The following MYEF2 variants were observed in gnomAD, a reference collection of about 807,000 sequenced individuals.
MYEF2 encodes myelin expression factor 2.
A neutral mutation model predicts 75.2 loss-of-function variants in MYEF2; 37 were observed. The ratio of observed to expected loss-of-function variants is 0.49; its 90% CI spans 0.38 to 0.65. MYEF2 has a LOEUF of 0.65. Among genes scored for constraint, MYEF2 ranks in the 30% least tolerant of loss-of-function variants. The pLI is 0.00. For missense variants in MYEF2, 634 were observed against 771.4 expected (o/e 0.82, Z 2.11); for synonymous variants, 195 against 241.6 (o/e 0.81, Z 1.79).
At position 48,139,309 on chromosome 15, in the gene MYEF2, A is replaced by T. The variant is rs74975813; in HGVS notation, c.*3599T>A. On this transcript the variant is annotated 3_prime_UTR_variant, in exon 17 of 17. Coordinates refer to ENST00000324324, the MANE Select transcript of MYEF2 (RefSeq NM_016132.5). ...ATTGAAGATTAGTACCATTTACAAA[A>T]TGATTAAGTATTACTATAACAAGAT... The T allele has an allele frequency of 4.3e-5, 28 of 646,654 alleles. No individual in the cohort carries two copies. The highest frequency in any genetic ancestry group is 6.6e-5 in the Non-Finnish European group (25 of 378,272). The allele number at this position is 646,654 out of a possible 1,614,324, so 40.1% of individuals were successfully genotyped here. A position where few individuals can be genotyped will look rare whatever the true frequency, so the allele number is the denominator to read the frequency against.
rs893528382 is a variant in MYEF2, at chr15:48,138,422, T to C, written c.*4486A>G. 4.6e-5 allele frequency: 7 copies of C among 152,188 alleles called. No homozygotes were observed. The highest frequency in any genetic ancestry group is 1.7e-4 in the African/African-American group (7 of 41,444). 9.4% of individuals were successfully genotyped at this position (152,188 alleles called of 1,614,324 possible). A position where few individuals can be genotyped will look rare whatever the true frequency, so the allele number is the denominator to read the frequency against. ...GTTATTTCTATGAACTGTGGTAAAG[T>C]CTGAATTTAATAAATAAAATAGTAA... On this transcript the variant is annotated 3_prime_UTR_variant, in exon 17 of 17. Transcript: ENST00000324324.
chr15:48,136,921 C>G lies in MYEF2; in HGVS notation c.*5987G>C, dbSNP rs147513140. On this transcript the variant is annotated 3_prime_UTR_variant, in exon 17 of 17. Coordinates refer to ENST00000324324, the MANE Select transcript of MYEF2 (RefSeq NM_016132.5). ...ATTTTATGAAGATTCTGGCTACTCTCAGCTCTCTATAAGTTTACATGGCCT... is the reference window on the plus strand; with the variant it reads ...ATTTTATGAAGATTCTGGCTACTCTGAGCTCTCTATAAGTTTACATGGCCT... The G allele has an allele frequency of 1.8e-4, 293 of 1,613,768 alleles. No homozygotes were observed. The African/African-American group carries it at 3.7e-3, about 21-fold the overall frequency.
rs937674871 is a variant in MYEF2, at chr15:48,138,384, C to A, written c.*4524G>T. On this transcript the variant is annotated 3_prime_UTR_variant, in exon 17 of 17. Transcript: ENST00000324324. Reference sequence around the variant, plus strand: ...AATTGTACTTTAGATGATATACTACCTCCTACTTTAAGGTTATTTCTATGA... The same window carrying A: ...AATTGTACTTTAGATGATATACTACATCCTACTTTAAGGTTATTTCTATGA... 1 of 151,770 alleles carries A rather than the reference C, an allele frequency of 6.6e-6. No homozygotes were observed. Among genetic ancestry groups the A allele is most frequent in the African/African-American group, 2.4e-5 (1 of 41,332 alleles). 9.4% of individuals were successfully genotyped at this position (151,770 alleles called of 1,614,324 possible). A position where few individuals can be genotyped will look rare whatever the true frequency, so the allele number is the denominator to read the frequency against.
intron 10 of MYEF2, chr15:48,152,515 CTAGTA>C: frequency 2.3e-6 from 1 of 438,966 alleles, no homozygotes; most frequent in Non-Finnish European, 4.0e-6. Flanking sequence ...GCAAAATTCA[CTAGTA>C]ACACCCACAA....
Position 48,136,811 on chromosome 15 carries a change from A to G in MYEF2, c.*6097T>C. On this transcript the variant is annotated 3_prime_UTR_variant, in exon 17 of 17. Transcript: ENST00000324324. Reference sequence around the variant, plus strand: ...TGCGCCTGTCTTGCCAAAGCTATGGAGAGAAGTGAACAACAGCCACTGATG... The same window carrying G: ...TGCGCCTGTCTTGCCAAAGCTATGGGGAGAAGTGAACAACAGCCACTGATG... 6.2e-7 allele frequency: 1 copy of G among 1,613,858 alleles called. No individual in the cohort carries two copies. The highest frequency in any genetic ancestry group is 1.6e-4 in the Middle Eastern group (1 of 6,062).
intron 2 of MYEF2, 34 bp from the exon 3 acceptor site, chr15:48,167,435 A>T: frequency 1.2e-6 from 2 of 1,600,350 alleles, no homozygotes; most frequent in Non-Finnish European, 1.7e-6. Flanking sequence ...GATACCAAGA[A>T]ACAATACATT....
chr15:48,155,416 A>C (rs962227967), intron 9 of MYEF2, among the ~76,000 whole-genome samples: 1 of 152,168 alleles, frequency 6.6e-6, no homozygotes, highest in Non-Finnish European at 1.5e-5. Flanking sequence ...AAGTAGACAA[A>C]TCCACTATTC....
At chr15:48,165,819 C>T (rs1205671145) in intron 5 of MYEF2, 114 bp downstream of exon 5, 1 of 683,388 alleles carries the variant, frequency 1.5e-6, no homozygotes, top group East Asian at 2.7e-5. Context: ...CTTTAATGAA[C>T]ACCTATGTTT....
chr15:48,178,042 C>A (rs183726189), intron 1 of MYEF2, 35 bp downstream of exon 1: 1 of 1,570,508 alleles, frequency 6.4e-7, no homozygotes, highest in South Asian at 1.2e-5. Context: ...CCCCGCCCCC[C>A]ACCTCGCCCC....
chr15:48,174,249 C>T (rs2040437116), intron 1 of MYEF2, among the ~76,000 whole-genome samples: 1 of 151,980 alleles, frequency 6.6e-6, no homozygotes, highest in South Asian at 2.1e-4. Flanking sequence ...AGGACAGTCT[C>T]TTCAAAAAAT....
At chr15:48,163,936 T>G (rs961966696) in intron 5 of MYEF2, among the ~76,000 whole-genome samples, 2 of 152,192 alleles carry the variant, frequency 1.3e-5, no homozygotes, top group African/African-American at 4.8e-5. Flanking sequence ...TCATTGACAA[T>G]GCACTTGTCA....
chr15:48,166,094 A>G lies in MYEF2; in HGVS notation c.431+27T>C, dbSNP rs369962905. On this transcript the variant is annotated intron_variant, in intron 4 of 16. Coordinates refer to ENST00000324324, the MANE Select transcript of MYEF2 (RefSeq NM_016132.5). Reference sequence around the variant, plus strand: ...TTTTTTCCAAAGTTTAATTTGACTTAAGATACTTAAAGAAAAAATTTCTTA... The same window carrying G: ...TTTTTTCCAAAGTTTAATTTGACTTGAGATACTTAAAGAAAAAATTTCTTA... 6 of 1,577,162 alleles carry G rather than the reference A, an allele frequency of 3.8e-6. No homozygotes were observed. In the South Asian group the frequency reaches 6.9e-5, roughly 18 times the overall value.
chr15:48,168,780 C>T lies in MYEF2; in HGVS notation c.221G>A (p.Ser74Asn), dbSNP rs751571503. 11 of 1,613,656 alleles carry T rather than the reference C, an allele frequency of 6.8e-6. No homozygotes were observed. In the Admixed American group the frequency reaches 8.3e-5, roughly 12 times the overall value. Residue 74 changes from serine (S) to asparagine (N), a missense_variant, in exon 2 of 17, where the codon AGT becomes AAT. Coordinates refer to ENST00000324324, the MANE Select transcript of MYEF2 (RefSeq NM_016132.5). Reference protein sequence around the residue: ...KSDLKEKSTGSKKANRFHPYS... With the variant: ...KSDLKEKSTGNKKANRFHPYS... ...AGGATGAAATCTATTGGCCTTCTTA[C>T]TTCCTGTAGATTTTTCCTTTAAGTC...
At position 48,137,268 on chromosome 15, in the gene MYEF2, T is replaced by TAGTA; in HGVS notation, c.*5639_*5640insTACT. 1 of 273,942 alleles carries TAGTA rather than the reference T, an allele frequency of 3.7e-6. No homozygotes were observed. 17.0% of individuals were successfully genotyped at this position (273,942 alleles called of 1,614,324 possible). A position where few individuals can be genotyped will look rare whatever the true frequency, so the allele number is the denominator to read the frequency against. ...AGATTTTCACAGAGAAGGGAGCATT[T>TAGTA]AAATTGGGCCTTGCTGGACAGGAAA... On this transcript the variant is annotated 3_prime_UTR_variant, in exon 17 of 17. Transcript: ENST00000324324.
rs186487542 is a variant in MYEF2 at position 48,157,852 on chromosome 15, C to T, written c.985+141G>A. The T allele has an allele frequency of 1.9e-3, 2,709 of 1,426,758 alleles. 6 individuals carry two copies. Among genetic ancestry groups the T allele is most frequent in the South Asian group, 3.0e-3 (179 of 60,506 alleles). The allele number at this position is 1,426,758 out of a possible 1,614,324, so 88.4% of individuals were successfully genotyped here. A position where few individuals can be genotyped will look rare whatever the true frequency, so the allele number is the denominator to read the frequency against. On this transcript the variant is annotated intron_variant, in intron 9 of 16. Coordinates refer to ENST00000324324, the MANE Select transcript of MYEF2 (RefSeq NM_016132.5). ...TCTTCTCAGTCTTCCTAATCAATAG[C>T]GCCAAACTATCTTCATAACTCCAAA...
intron 7 of MYEF2, among the ~76,000 whole-genome samples, 173 bp from the exon 8 acceptor site, chr15:48,158,397 TA>T (rs1171202551): frequency 6.6e-6 from 1 of 152,216 alleles, no homozygotes; most frequent in Admixed American, 6.5e-5. Flanking sequence ...TTCTTTGCTT[TA>T]CGGTTTTATT....
intron 5 of MYEF2, 70 bp downstream of exon 5, chr15:48,165,863 C>T: frequency 3.4e-6 from 4 of 1,174,888 alleles, no homozygotes; most frequent in Non-Finnish European, 4.8e-6. Context: ...AATATATTAC[C>T]AAATTGAAAA....
In MYEF2 at chr15:48,142,892, C is replaced by T. The variant is rs2140787757; in HGVS notation, c.*16G>A. On this transcript the variant is annotated 3_prime_UTR_variant, in exon 17 of 17. Transcript: ENST00000324324. ...CAGCAAAACAGATGTAGGAATGTTCCAACCATGGCTTGAAATTATGCATTA... is the reference window on the plus strand; with the variant it reads ...CAGCAAAACAGATGTAGGAATGTTCTAACCATGGCTTGAAATTATGCATTA... 2 of 1,583,924 alleles carry T rather than the reference C, an allele frequency of 1.3e-6. No homozygotes were observed. Among genetic ancestry groups the T allele is most frequent in the African/African-American group, 2.7e-5 (2 of 72,756 alleles).
chr15:48,158,467 G>A (rs1259124341), intron 7 of MYEF2, among the ~76,000 whole-genome samples: 3 of 151,984 alleles, frequency 2.0e-5, no homozygotes, highest in East Asian at 1.9e-4. Flanking sequence ...GTAAGGCTTC[G>A]CTTAAAGTAA....
Sources: allele counts gnomAD v4.1 joint callset (sites outside exome capture counted in the v4.1 genomes callset), GRCh38; gene constraint gnomAD v4.1.1; transcripts MANE v1.5; gene names NCBI Gene and HGNC (gene_info 2026-07-23, HGNC 2026-07-21).